The following CALN1 variants were observed in gnomAD, a reference collection of about 807,000 sequenced individuals.
CALN1 encodes calneuron 1, also known as calcium-binding protein 8.
In CALN1, 17 loss-of-function variants were observed where a neutral mutation model predicts 30.6. The ratio of observed to expected loss-of-function variants is 0.56; its 90% CI spans 0.38 to 0.83. The LOEUF (loss-of-function observed/expected upper bound fraction) is 0.83, where lower values mean the gene tolerates loss of function less well. CALN1 is among the 40% of genes least tolerant of loss of function. The probability of loss-of-function intolerance (pLI) is 0.00; values close to 1 mark genes in which losing one functional copy is unlikely to be tolerated. For missense variants in CALN1, 291 were observed against 354.9 expected (o/e 0.82, Z 1.45); for synonymous variants, 156 against 131.4 (o/e 1.19, Z -1.28).
chr7:72,411,573 T>A (rs1562958241), intron 1 of CALN1, among the ~76,000 whole-genome samples: 2 of 152,214 alleles, frequency 1.3e-5, no homozygotes, highest in Non-Finnish European at 2.9e-5. Flanking sequence ...ACTCAGGCAA[T>A]GAGCACTCAA....
intron 1 of CALN1, among the ~76,000 whole-genome samples, chr7:72,420,250 G>T (rs1807562329): frequency 6.6e-6 from 1 of 152,100 alleles, no homozygotes; most frequent in Non-Finnish European, 1.5e-5. Context: ...GACAGAGGTA[G>T]CCAGACTCAT....
chr7:71,829,717 G>A (rs1440536347), intron 5 of CALN1, among the ~76,000 whole-genome samples: 1 of 152,150 alleles, frequency 6.6e-6, no homozygotes, highest in Admixed American at 6.5e-5. Flanking sequence ...GTTCTCAACA[G>A]GGAGCCCACT....
the CALN1 span, among the ~76,000 whole-genome samples, chr7:72,501,948 T>TATAC: frequency 5.4e-4 from 39 of 72,352 alleles, 4 homozygotes; most frequent in African/African-American, 2.1e-3. Context: ...TATATATATA[T>TATAC]ACACACATAT....
chr7:72,088,887 T>G (rs918916165), intron 4 of CALN1, among the ~76,000 whole-genome samples: 3 of 152,082 alleles, frequency 2.0e-5, no homozygotes, highest in African/African-American at 4.8e-5. Context: ...GTGAAAGATA[T>G]TCTCAGATTT....
At chr7:72,338,470 AGTGTGTGTGTGTGTGT>A (rs56695086) in intron 2 of CALN1, among the ~76,000 whole-genome samples, 82 of 74,800 alleles carry the variant, frequency 1.1e-3, no homozygotes, top group Middle Eastern at 7.1e-3. Flanking sequence ...CCAGCAGCAC[AGTGTGTGTGTGTGTGT>A]GTGTGTGTGT....
At chr7:72,109,000 C>T (rs2129541443) in intron 3 of CALN1, among the ~76,000 whole-genome samples, 1 of 152,310 alleles carries the variant, frequency 6.6e-6, no homozygotes, top group African/African-American at 2.4e-5. Flanking sequence ...TGACATCCAG[C>T]ATACTCCATC....
chr7:72,090,434 T>C (rs181213458), intron 4 of CALN1, among the ~76,000 whole-genome samples: 19 of 152,302 alleles, frequency 1.2e-4, no homozygotes, highest in Admixed American at 9.8e-4. Flanking sequence ...AATATTATAA[T>C]GAAAACATCA....
intron 5 of CALN1, among the ~76,000 whole-genome samples, chr7:71,815,874 C>G (rs563099286): frequency 1.4e-5 from 2 of 138,426 alleles, no homozygotes; most frequent in South Asian, 5.2e-4. Context: ...TCCCTTCCTT[C>G]CCTCCTTCCT....
Position 72,024,151 on chromosome 7 carries a change from T to C in CALN1, c.389-382A>G, listed in dbSNP as rs905260325. 5.3e-5 allele frequency among the ~76,000 whole-genome samples: 8 copies of C among 152,178 alleles called. No homozygotes were observed. In the East Asian group the frequency reaches 9.6e-4, roughly 18 times the overall value. Reference sequence around the variant, plus strand: ...CATCCTTGTCACCCACATATACATGTAGTCATCAAGCCTTCTTGATTTCAC... The same window carrying C: ...CATCCTTGTCACCCACATATACATGCAGTCATCAAGCCTTCTTGATTTCAC... On this transcript the variant is annotated intron_variant, in intron 4 of 6. Transcript: ENST00000395275.
intron 4 of CALN1, among the ~76,000 whole-genome samples, chr7:72,099,515 T>A (rs1214128851): frequency 1.3e-5 from 2 of 151,772 alleles, no homozygotes; most frequent in Admixed American, 6.6e-5. Flanking sequence ...GACAATTAAA[T>A]GCAGTCATTC....
intron 5 of CALN1, among the ~76,000 whole-genome samples, chr7:71,822,337 C>T (rs1156757239): frequency 6.6e-6 from 1 of 152,174 alleles, no homozygotes; most frequent in Non-Finnish European, 1.5e-5. Flanking sequence ...CAACCTCCGC[C>T]TCCCGGGTTC....
At chr7:72,404,043 C>T (rs1412559282) in intron 1 of CALN1, among the ~76,000 whole-genome samples, 1 of 152,166 alleles carries the variant, frequency 6.6e-6, no homozygotes, top group Non-Finnish European at 1.5e-5. Flanking sequence ...TCTCTAGGTC[C>T]ACTTGATGTC....
At chr7:72,321,847 A>G (rs1800903901) in intron 2 of CALN1, among the ~76,000 whole-genome samples, 1 of 152,080 alleles carries the variant, frequency 6.6e-6, no homozygotes, top group Non-Finnish European at 1.5e-5. Context: ...TGTCCTCCTG[A>G]GCAGACCTCC....
chr7:72,500,022 CTG>C, the CALN1 span, among the ~76,000 whole-genome samples: 1 of 151,444 alleles, frequency 6.6e-6, no homozygotes, highest in South Asian at 2.1e-4. Flanking sequence ...AGCGATTCTC[CTG>C]CCTCCGCCTC....
intron 4 of CALN1, among the ~76,000 whole-genome samples, chr7:72,054,454 T>TACATATATAC (rs1554425464): frequency 8.8e-6 from 1 of 113,184 alleles, no homozygotes; most frequent in African/African-American, 3.4e-5. Context: ...TATACATATA[T>TACATATATAC]ATACATATAT....
At chr7:72,135,677 C>T (rs1809460263) in intron 3 of CALN1, among the ~76,000 whole-genome samples, 1 of 152,146 alleles carries the variant, frequency 6.6e-6, no homozygotes, top group Non-Finnish European at 1.5e-5. Flanking sequence ...TTCTGAAGGT[C>T]CTTAAGATTT....
At position 72,369,436 on chromosome 7, in the gene CALN1, A is replaced by C. The variant is rs184137939; in HGVS notation, c.119+33815T>G. On this transcript the variant is annotated intron_variant, in intron 2 of 6. Coordinates refer to ENST00000395275, the MANE Select transcript of CALN1 (RefSeq NM_031468.4). ...TGGAGTGCAGTGGCAATCCCTGCTCACCTCAGCCTCTGCCTCCCAGGTTCA... is the reference window on the plus strand; with the variant it reads ...TGGAGTGCAGTGGCAATCCCTGCTCCCCTCAGCCTCTGCCTCCCAGGTTCA... 2.7e-3 allele frequency among the ~76,000 whole-genome samples: 413 copies of C among 151,248 alleles called. 3 individuals carry two copies. Among genetic ancestry groups the C allele is most frequent in the African/African-American group, 7.9e-3 (326 of 41,132 alleles).
At chr7:71,985,274 T>C (rs1239370477) in intron 5 of CALN1, among the ~76,000 whole-genome samples, 1 of 152,158 alleles carries the variant, frequency 6.6e-6, no homozygotes, top group Non-Finnish European at 1.5e-5. Context: ...AAAGATTAAG[T>C]TACCAAGGAT....
At chr7:71,894,455 C>T (rs112527287) in intron 5 of CALN1, among the ~76,000 whole-genome samples, 6 of 152,086 alleles carry the variant, frequency 3.9e-5, no homozygotes, top group East Asian at 1.9e-4. Flanking sequence ...TTTGTAGAGA[C>T]GGAGTCTCGT....
Sources: gnomAD v4.1 joint callset for allele counts (sites outside exome capture counted in the v4.1 genomes callset) on GRCh38, gnomAD v4.1.1 for gene constraint, MANE v1.5 for transcripts, NCBI Gene and HGNC (gene_info 2026-07-23, HGNC 2026-07-21) for gene names.